The following POLR2B variants were observed in gnomAD, a reference collection of about 807,000 sequenced individuals.
The protein encoded by POLR2B is RNA polymerase II subunit B.
POLR2B carries 57 observed loss-of-function variants against 144.6 expected under a neutral mutation model. That is an observed-to-expected ratio of 0.39 (90% CI 0.32 to 0.49). The LOEUF (loss-of-function observed/expected upper bound fraction) is 0.49, where lower values mean the gene tolerates loss of function less well. Among genes scored for constraint, POLR2B ranks in the 20% least tolerant of loss-of-function variants. The probability of loss-of-function intolerance (pLI) is 0.83; values close to 1 mark genes in which losing one functional copy is unlikely to be tolerated. For missense variants in POLR2B, 595 were observed against 1,467.4 expected, an observed-to-expected ratio of 0.41 and a Z score of 9.71; for synonymous variants, 442 against 469.8, an observed-to-expected ratio of 0.94 and a Z score of 0.77.
chr4:57,024,116 A>G lies in POLR2B; in HGVS notation c.2964+4A>G, dbSNP rs200139821. On this transcript the variant is annotated splice_donor_region_variant and intron_variant, in intron 21 of 24. Transcript: ENST00000314595. ...AATTGAATGCCTTCAAGGGAAGGTA[A>G]GAGATGTTCTTCAAAAATATAGATT... 2.8e-6 allele frequency: 4 copies of G among 1,432,234 alleles called. No homozygotes were observed. The East Asian group carries it at 6.9e-5, about 25-fold the overall frequency. 88.7% of individuals were successfully genotyped at this position (1,432,234 alleles called of 1,614,324 possible). A position where few individuals can be genotyped will look rare whatever the true frequency, so the allele number is the denominator to read the frequency against.
In POLR2B at chr4:56,981,769, A is replaced by C. The variant is rs547498856; in HGVS notation, c.19+2765A>C. Among the ~76,000 whole-genome samples the C allele has an allele frequency of 2.6e-5, 4 of 152,356 alleles. No individual in the cohort carries two copies. The East Asian group carries it at 7.7e-4, about 29-fold the overall frequency. On this transcript the variant is annotated intron_variant, in intron 1 of 24. Coordinates refer to ENST00000314595, the MANE Select transcript of POLR2B (RefSeq NM_000938.3). ...TTTCACTCACAGCCAAACTTATAAA[A>C]ATAATAAGCTGTCCTTGTTTCTAAT...
At chr4:57,012,506 G>C (rs1290498624) in intron 13 of POLR2B, among the ~76,000 whole-genome samples, 1 of 152,160 alleles carries the variant, frequency 6.6e-6, no homozygotes, top group Non-Finnish European at 1.5e-5. Flanking sequence ...ATGTAGTTCA[G>C]GCTTTTAATT....
intron 16 of POLR2B, among the ~76,000 whole-genome samples, chr4:57,020,404 T>C (rs528129090): frequency 1.3e-5 from 2 of 152,198 alleles, no homozygotes; most frequent in African/African-American, 4.8e-5. Flanking sequence ...TTCATTGTGG[T>C]GGGAAAGATA....
chr4:57,002,754 G>T (rs1220037581), intron 7 of POLR2B: 1 of 151,902 alleles, frequency 6.6e-6, no homozygotes, highest in African/African-American at 2.4e-5. Flanking sequence ...ATGTCTCTGT[G>T]TAAGGATGAG....
At chr4:56,985,734 T>C (rs915789421) in intron 1 of POLR2B, among the ~76,000 whole-genome samples, 4 of 152,208 alleles carry the variant, frequency 2.6e-5, no homozygotes, top group Admixed American at 2.6e-4. Context: ...AGGAAGTGTT[T>C]TAGCAAACAT....
In POLR2B at chr4:56,985,228, T is replaced by A. The variant is rs903249303; in HGVS notation, c.20-1126T>A. On this transcript the variant is annotated intron_variant, in intron 1 of 24. Coordinates refer to ENST00000314595, the MANE Select transcript of POLR2B (RefSeq NM_000938.3). ...ATAGTGTATGTCTTTACAAAAAAAATTTTATTTTATTTTTTTAAATTTTTG... is the reference window on the plus strand; with the variant it reads ...ATAGTGTATGTCTTTACAAAAAAAAATTTATTTTATTTTTTTAAATTTTTG... 2.5e-5 allele frequency: 19 copies of A among 755,736 alleles called. No homozygotes were observed. In the East Asian group the frequency reaches 5.1e-4, roughly 20 times the overall value. The allele number at this position is 755,736 out of a possible 1,614,324, so 46.8% of individuals were successfully genotyped here.
chr4:56,991,906 C>T (rs746077590), intron 3 of POLR2B, among the ~76,000 whole-genome samples: 1 of 152,172 alleles, frequency 6.6e-6, no homozygotes, highest in African/African-American at 2.4e-5. Flanking sequence ...GATCCACCTG[C>T]TTCAGCCTCC....
intron 9 of POLR2B, 58 bp from the exon 10 acceptor site, chr4:57,006,758 T>G: frequency 7.5e-7 from 1 of 1,341,550 alleles, no homozygotes; most frequent in Non-Finnish European, 1.0e-6. Flanking sequence ...ATTCCTCCTG[T>G]TGAGAATATA....
chr4:57,023,886 T>G lies in POLR2B; in HGVS notation c.2857-119T>G. The G allele has an allele frequency of 1.3e-6, 1 of 793,634 alleles. No homozygotes were observed. 49.2% of individuals were successfully genotyped at this position (793,634 alleles called of 1,614,324 possible). A position where few individuals can be genotyped will look rare whatever the true frequency, so the allele number is the denominator to read the frequency against. On this transcript the variant is annotated intron_variant, in intron 20 of 24. Transcript: ENST00000314595. The surrounding 1 kb of genome is among the most constrained non-coding windows in gnomAD (Gnocchi z 4.3). ...TTGATTTTATTGTTGAATAAGTATA[T>G]GAACATACCATGTTTAAACAGAATT...
At chr4:57,030,809 A>G (rs903353972) in intron 24 of POLR2B, 90 bp from the exon 25 acceptor site, 10 of 749,742 alleles carry the variant, frequency 1.3e-5, no homozygotes, top group South Asian at 7.4e-5. Context: ...TTCATTATCT[A>G]CAGTACCAGA....
intron 14 of POLR2B, among the ~76,000 whole-genome samples, chr4:57,015,956 G>A (rs1264700706): frequency 3.3e-5 from 5 of 151,890 alleles, no homozygotes; most frequent in African/African-American, 4.8e-5. Flanking sequence ...ACAGGGTTTC[G>A]CCATGTTGGC....
In POLR2B at chr4:57,006,893, A is replaced by G; in HGVS notation, c.1295A>G (p.Glu432Gly). ...GATCGAGGAAAGGATTTTAACTTGGAGTTGGCAATTAAAACACGGATCATA... is the reference window on the plus strand; with the variant it reads ...GATCGAGGAAAGGATTTTAACTTGGGGTTGGCAATTAAAACACGGATCATA... The part of the protein sequence containing the change: ...FIDRGKDFNL[E>G]LAIKTRIISD... Residue 432 changes from glutamate (E) to glycine (G), a missense_variant, in exon 10 of 25, where the codon GAG becomes GGG. Transcript: ENST00000314595. 6.2e-7 allele frequency: 1 copy of G among 1,613,460 alleles called. No homozygotes were observed. The highest frequency in any genetic ancestry group is 8.5e-7 in the Non-Finnish European group (1 of 1,179,382).
intron 23 of POLR2B, among the ~76,000 whole-genome samples, chr4:57,028,423 C>T (rs937869738): frequency 5.3e-5 from 8 of 152,156 alleles, no homozygotes; most frequent in South Asian, 2.1e-4. Flanking sequence ...TGTGAGTCAT[C>T]GTGCCTGGTT....
intron 10 of POLR2B, 166 bp from the exon 11 acceptor site, chr4:57,010,195 T>G (rs959183753): frequency 3.4e-6 from 2 of 596,444 alleles, no homozygotes; most frequent in African/African-American, 3.7e-5. Context: ...CTGCTGCAAG[T>G]GGCAGGTAAG....
At chr4:56,997,512 C>T (rs752511023) in intron 6 of POLR2B, among the ~76,000 whole-genome samples, 2 of 152,178 alleles carry the variant, frequency 1.3e-5, no homozygotes, top group Non-Finnish European at 2.9e-5. Context: ...CTGCCTTGGC[C>T]TTCCAAAGTG....
chr4:56,978,911 C>G lies in POLR2B; in HGVS notation c.-75C>G. On this transcript the variant is annotated 5_prime_UTR_variant, in exon 1 of 25. Coordinates refer to ENST00000314595, the MANE Select transcript of POLR2B (RefSeq NM_000938.3). Reference sequence around the variant, plus strand: ...GACGGAAGTTACTTCGTCTTTAGCTCCTGGCGCTGCTGGCTTCTGGGCGGT... The same window carrying G: ...GACGGAAGTTACTTCGTCTTTAGCTGCTGGCGCTGCTGGCTTCTGGGCGGT... The G allele has an allele frequency of 7.1e-7, 1 of 1,412,498 alleles. No homozygotes were observed. The highest frequency in any genetic ancestry group is 1.0e-6 in the Non-Finnish European group (1 of 996,406). The allele number at this position is 1,412,498 out of a possible 1,614,324, so 87.5% of individuals were successfully genotyped here. A position where few individuals can be genotyped will look rare whatever the true frequency, so the allele number is the denominator to read the frequency against.
At chr4:56,994,995 T>C in intron 5 of POLR2B, 129 bp downstream of exon 5, 2 of 684,382 alleles carry the variant, frequency 2.9e-6, no homozygotes, top group South Asian at 2.0e-5. Flanking sequence ...AGTTGACTTG[T>C]TTAGGGTATG....
chr4:57,018,923 A>G (rs1723449137), intron 16 of POLR2B, among the ~76,000 whole-genome samples: 1 of 152,152 alleles, frequency 6.6e-6, no homozygotes, highest in Admixed American at 6.5e-5. Context: ...AGTGTTGACT[A>G]TTAAAGGAGA....
At chr4:56,994,607 T>TA (rs1560473832) in intron 4 of POLR2B, 40 bp from the exon 5 acceptor site, 1 of 1,468,534 alleles carries the variant, frequency 6.8e-7, no homozygotes, top group Non-Finnish European at 9.5e-7. Context: ...TTTTAACAGA[T>TA]ACCCTATTGC....
Sources: gnomAD v4.1 joint callset for allele counts (sites outside exome capture counted in the v4.1 genomes callset) on GRCh38, gnomAD v4.1.1 for gene constraint, Gnocchi (gnomAD v3.1) non-coding constraint, MANE v1.5 for transcripts, NCBI Gene and HGNC (gene_info 2026-07-23, HGNC 2026-07-21) for gene names.